Variants in PCNX1 observed in about 807,000 individuals in gnomAD.
PCNX1 encodes the protein pecanex 1.
PCNX1 carries 78 observed loss-of-function variants against 242.2 expected under a neutral mutation model. The observed-to-expected ratio is 0.32, with a 90% CI of 0.27 to 0.39. The LOEUF is 0.39. Among genes scored for constraint, PCNX1 ranks in the 10% least tolerant of loss-of-function variants. The pLI is 1.00. For missense variants in PCNX1, 2,581 were observed against 2,856.5 expected (o/e 0.90, Z 2.20); for synonymous variants, 1,024 against 1,032.9 (o/e 0.99, Z 0.17).
intron 6 of PCNX1, among the ~76,000 whole-genome samples, chr14:70,981,338 CTA>C (rs2058833464): frequency 6.6e-6 from 1 of 152,038 alleles, no homozygotes. Context: ...TAGAAATAAA[CTA>C]GAGATAGTCT....
At chr14:71,104,198 T>C (rs1429031824) in intron 32 of PCNX1, among the ~76,000 whole-genome samples, 1 of 152,228 alleles carries the variant, frequency 6.6e-6, no homozygotes, top group Non-Finnish European at 1.5e-5. Context: ...TCTCTGTCTT[T>C]TGTCTAGTAA....
In PCNX1 at chr14:70,968,249, T is replaced by G. The variant is rs772832301; in HGVS notation, c.514+6T>G. ...AACAGCAGCAACTATTAAAGGTAGG[T>G]GTGATCTAACTTAAAAGTTGCACCT... On this transcript the variant is annotated splice_donor_region_variant and intron_variant, in intron 4 of 35. Transcript: ENST00000304743. 3 of 1,609,956 alleles carry G rather than the reference T, an allele frequency of 1.9e-6. No homozygotes were observed. Among genetic ancestry groups the G allele is most frequent in the East Asian group, 4.5e-5 (2 of 44,844 alleles).
At chr14:70,976,364 C>CT (rs1421856770) in intron 5 of PCNX1, among the ~76,000 whole-genome samples, 2 of 142,996 alleles carry the variant, frequency 1.4e-5, no homozygotes, top group African/African-American at 5.1e-5. Flanking sequence ...CTCTTTCTTT[C>CT]TTTCTTTCTT....
At chr14:71,103,295 T>C (rs532775425) in intron 31 of PCNX1, 100 bp from the exon 32 acceptor site, 1 of 1,299,228 alleles carries the variant, frequency 7.7e-7, no homozygotes, top group African/African-American at 1.5e-5. Context: ...CACAACTGGT[T>C]ATCATAATAT....
At chr14:71,045,944 A>G (rs1225110953) in intron 20 of PCNX1, among the ~76,000 whole-genome samples, 1 of 152,060 alleles carries the variant, frequency 6.6e-6, no homozygotes, top group Non-Finnish European at 1.5e-5. Context: ...ATTATCTGTA[A>G]TATATTGTAC....
chr14:70,926,106 A>G (rs1272508382), intron 1 of PCNX1, among the ~76,000 whole-genome samples: 1 of 152,220 alleles, frequency 6.6e-6, no homozygotes, highest in Non-Finnish European at 1.5e-5. Context: ...ATGTGAATAC[A>G]GTGGAAGCCC....
chr14:70,945,406 T>G (rs1566600455), intron 1 of PCNX1, among the ~76,000 whole-genome samples: 1 of 152,038 alleles, frequency 6.6e-6, no homozygotes, highest in Non-Finnish European at 1.5e-5. Context: ...AATCAGAAGT[T>G]TAATTTTTTA....
intron 20 of PCNX1, 92 bp downstream of exon 20, chr14:71,045,375 C>G (rs558273405): frequency 3.4e-6 from 3 of 882,546 alleles, no homozygotes; most frequent in Middle Eastern, 4.6e-4. Context: ...AATATCATAA[C>G]AGAACATTTG....
chr14:71,071,640 A>G (rs995928707), intron 26 of PCNX1, among the ~76,000 whole-genome samples: 3 of 152,138 alleles, frequency 2.0e-5, no homozygotes, highest in Non-Finnish European at 4.4e-5. Flanking sequence ...CCTGAGGCCT[A>G]CCCAGCCACA....
chr14:70,941,982 G>A (rs1228885119), intron 1 of PCNX1, among the ~76,000 whole-genome samples: 1 of 152,184 alleles, frequency 6.6e-6, no homozygotes, highest in East Asian at 1.9e-4. Context: ...CATTGGAAAA[G>A]CACAGTATTA....
chr14:70,932,813 T>A (rs1029052311), intron 1 of PCNX1, among the ~76,000 whole-genome samples: 2 of 151,912 alleles, frequency 1.3e-5, no homozygotes, highest in Non-Finnish European at 2.9e-5. Flanking sequence ...GGTTTCACCA[T>A]GTTGGTCAGG....
chr14:70,941,721 C>T (rs536605028), intron 1 of PCNX1, among the ~76,000 whole-genome samples: 3 of 152,174 alleles, frequency 2.0e-5, no homozygotes, highest in African/African-American at 7.2e-5. Flanking sequence ...TATGCCCTGC[C>T]CCCAGAGGTG....
At chr14:71,092,044 A>G (rs749799895) in intron 30 of PCNX1, among the ~76,000 whole-genome samples, 5 of 152,262 alleles carry the variant, frequency 3.3e-5, no homozygotes, top group Non-Finnish European at 5.9e-5. Context: ...AAGTGCCACT[A>G]GTGATGCTGA....
chr14:70,954,686 A>T (rs1318946024), intron 2 of PCNX1, among the ~76,000 whole-genome samples: 1 of 152,110 alleles, frequency 6.6e-6, no homozygotes, highest in Non-Finnish European at 1.5e-5. Flanking sequence ...CCCCTTATTA[A>T]TGATGTTCCC....
Position 71,073,623 on chromosome 14 carries a change from C to T in PCNX1, c.4931C>T (p.Pro1644Leu), listed in dbSNP as rs2061641583. 6.2e-7 allele frequency: 1 copy of T among 1,613,836 alleles called. No individual in the cohort carries two copies. Among genetic ancestry groups the T allele is most frequent in the Non-Finnish European group, 8.5e-7 (1 of 1,179,938 alleles). Residue 1644 changes from proline to leucine, a missense_variant, in exon 27 of 36, where the codon CCT (proline) becomes CTT (leucine). Physicochemically the swap from Pro to Leu is moderately conservative, Grantham distance 98. This residue lies in a region of PCNX1 where 298 missense variants were observed against 480.1 expected (regional missense o/e 0.62). Coordinates refer to ENST00000304743, the MANE Select transcript of PCNX1 (RefSeq NM_014982.3). ...GATGAAGGATTTTGCTGTTGTGAAC[C>T]TGGCCATATTCCTCACATGCTTTCA... ...EEDEGFCCCE[P>L]GHIPHMLSFN...
At chr14:70,918,523 A>G (rs1378855968) in intron 1 of PCNX1, among the ~76,000 whole-genome samples, 1 of 152,254 alleles carries the variant, frequency 6.6e-6, no homozygotes, top group Non-Finnish European at 1.5e-5. Context: ...AAGAAAAAGT[A>G]TGAAATATTG....
chr14:71,018,319 G>A (rs1369761489), intron 11 of PCNX1, among the ~76,000 whole-genome samples: 3 of 151,982 alleles, frequency 2.0e-5, no homozygotes, highest in South Asian at 2.1e-4. Flanking sequence ...GTGTGTGTAT[G>A]AAATAAAAAT....
At chr14:70,940,268 T>C (rs867302010) in intron 1 of PCNX1, among the ~76,000 whole-genome samples, 14 of 152,208 alleles carry the variant, frequency 9.2e-5, no homozygotes, top group African/African-American at 2.9e-4. Flanking sequence ...TGGTTGCTAC[T>C]GGTTGTTCCT....
intron 26 of PCNX1, among the ~76,000 whole-genome samples, chr14:71,064,801 T>C (rs139471846): frequency 2.0e-5 from 3 of 152,284 alleles, no homozygotes; most frequent in Non-Finnish European, 4.4e-5. Flanking sequence ...GGGTATGTGA[T>C]GTTCCCCTCC....
Sources: gnomAD v4.1 joint callset for allele counts (sites outside exome capture counted in the v4.1 genomes callset) on GRCh38, gnomAD v4.1.1 for gene constraint, gnomAD v4.1.1 regional missense constraint, MANE v1.5 for transcripts, NCBI Gene and HGNC (gene_info 2026-07-23, HGNC 2026-07-21) for gene names.